The following KLF12 variants were observed in gnomAD, a reference collection of about 807,000 sequenced individuals.
KLF12 encodes the protein Krueppel-like factor 12.
KLF12 carries 9 observed loss-of-function variants against 37.8 expected under a neutral mutation model. The ratio of observed to expected loss-of-function variants is 0.24; its 90% CI spans 0.14 to 0.42. The LOEUF (loss-of-function observed/expected upper bound fraction) is 0.42, where lower values mean the gene tolerates loss of function less well. Among genes scored for constraint, KLF12 ranks in the 10% least tolerant of loss-of-function variants. The pLI, the probability that KLF12 is intolerant of heterozygous loss-of-function variation, is 1.00. For synonymous variants in KLF12, 208 were observed against 202.1 expected (o/e 1.03, Z -0.25); for missense variants, 411 against 516.0 (o/e 0.80, Z 1.97).
chr13:73,746,029 T>C (rs1056096315), intron 6 of KLF12, among the ~76,000 whole-genome samples: 1 of 150,038 alleles, frequency 6.7e-6, no homozygotes, highest in Non-Finnish European at 1.5e-5. Context: ...TTCACAACGG[T>C]GTGGCACCTG....
intron 1 of KLF12, among the ~76,000 whole-genome samples, chr13:74,125,316 C>T (rs1385098116): frequency 6.6e-6 from 1 of 151,932 alleles, no homozygotes; most frequent in Non-Finnish European, 1.5e-5. Context: ...ACAATTTTTC[C>T]CCAGGTGCTT....
chr13:73,838,825 G>C (rs1368261254), intron 4 of KLF12, among the ~76,000 whole-genome samples: 3 of 152,158 alleles, frequency 2.0e-5, no homozygotes, highest in African/African-American at 7.2e-5. Context: ...AGCAAAAGGG[G>C]AGAAATAGCA....
At chr13:74,081,979 A>G (rs1202568540) in intron 1 of KLF12, among the ~76,000 whole-genome samples, 1 of 152,140 alleles carries the variant, frequency 6.6e-6, no homozygotes, top group African/African-American at 2.4e-5. Flanking sequence ...TTACCTAATT[A>G]AAAGTAATTT....
At chr13:74,029,651 C>A (rs1231864072) in intron 1 of KLF12, among the ~76,000 whole-genome samples, 6 of 152,056 alleles carry the variant, frequency 3.9e-5, no homozygotes, top group African/African-American at 1.4e-4. Flanking sequence ...CAGTTTGTTC[C>A]CAGGCATTTC....
chr13:73,743,011 C>A (rs181942209), intron 6 of KLF12, among the ~76,000 whole-genome samples: 58 of 129,788 alleles, frequency 4.5e-4, no homozygotes, highest in African/African-American at 1.3e-3. Flanking sequence ...GGTTTGTGTT[C>A]TCTTCGGGAT....
intron 1 of KLF12, among the ~76,000 whole-genome samples, chr13:74,008,955 G>C (rs7992842): frequency 0.013 from 2,038 of 152,246 alleles, 36 homozygotes; most frequent in East Asian, 0.062. Context: ...ACTCTGAAAG[G>C]AGATTCTTAG....
At chr13:74,238,670 A>T in the KLF12 span, among the ~76,000 whole-genome samples, 2 of 148,646 alleles carry the variant, frequency 1.3e-5, no homozygotes, top group Admixed American at 6.6e-5. Flanking sequence ...TAGTCTTGGG[A>T]GAGTGTATGT....
chr13:74,169,003 A>G, the KLF12 span, among the ~76,000 whole-genome samples: 2 of 152,226 alleles, frequency 1.3e-5, no homozygotes, highest in Non-Finnish European at 1.5e-5. Context: ...GGAGACAGCA[A>G]TGCTTTTAAT....
intron 6 of KLF12, among the ~76,000 whole-genome samples, chr13:73,730,848 T>C (rs1389266641): frequency 1.3e-5 from 2 of 152,132 alleles, no homozygotes; most frequent in African/African-American, 4.8e-5. Flanking sequence ...GCAGACAGGA[T>C]GACCAGGGCC....
chr13:73,941,506 G>C (rs1253882645), intron 3 of KLF12, among the ~76,000 whole-genome samples: 2 of 152,144 alleles, frequency 1.3e-5, no homozygotes, highest in African/African-American at 2.4e-5. Context: ...CAGCCTTTAA[G>C]TCATAAATGA....
chr13:74,031,339 C>A (rs1893106216), intron 1 of KLF12, among the ~76,000 whole-genome samples: 1 of 152,068 alleles, frequency 6.6e-6, no homozygotes, highest in African/African-American at 2.4e-5. Context: ...TTCTGAATTA[C>A]CAGTTCTACC....
the KLF12 span, among the ~76,000 whole-genome samples, chr13:74,264,729 GT>G: frequency 1.3e-5 from 2 of 152,002 alleles, no homozygotes; most frequent in Non-Finnish European, 2.9e-5. Flanking sequence ...ACTAATTTAT[GT>G]TGTCAAACTT....
the KLF12 span, among the ~76,000 whole-genome samples, chr13:74,239,367 G>A: frequency 7.5e-6 from 1 of 133,408 alleles, no homozygotes; most frequent in Non-Finnish European, 1.6e-5. Context: ...CCCAGTATGT[G>A]GTCAATTTTG....
intron 6 of KLF12, among the ~76,000 whole-genome samples, chr13:73,754,038 T>C (rs564811592): frequency 1.2e-4 from 19 of 152,228 alleles, no homozygotes; most frequent in African/African-American, 4.3e-4. Flanking sequence ...CTCACACACA[T>C]ATTCTCTTCA....
chr13:74,026,245 TAAAG>T (rs1892974033), intron 1 of KLF12, among the ~76,000 whole-genome samples: 1 of 149,848 alleles, frequency 6.7e-6, no homozygotes, highest in South Asian at 2.1e-4. Flanking sequence ...TGTAGAAAAA[TAAAG>T]AGGGATGGAA....
At chr13:73,926,628 CTCT>C (rs1254226941) in intron 3 of KLF12, among the ~76,000 whole-genome samples, 12 of 77,448 alleles carry the variant, frequency 1.5e-4, no homozygotes, top group Non-Finnish European at 3.9e-4. Flanking sequence ...TTCTCTCTCT[CTCT>C]TTTTTTTTTT....
chr13:74,287,200 G>T, the KLF12 span, among the ~76,000 whole-genome samples: 1 of 152,148 alleles, frequency 6.6e-6, no homozygotes, highest in South Asian at 2.1e-4. Flanking sequence ...GCTGGCTGCC[G>T]CTTCCACAGC....
chr13:74,075,330 AAAT>A (rs1386574247), intron 1 of KLF12, among the ~76,000 whole-genome samples: 2 of 152,212 alleles, frequency 1.3e-5, no homozygotes, highest in African/African-American at 4.8e-5. Flanking sequence ...TAGGTTAAAA[AAAT>A]AATAATAAGC....
chr13:74,249,924 A>C, the KLF12 span, among the ~76,000 whole-genome samples: 268 of 152,252 alleles, frequency 1.8e-3, 1 homozygote, highest in African/African-American at 6.3e-3. Flanking sequence ...CTTTGATTTC[A>C]AGTTCTCTCT....
Sources: gnomAD v4.1 joint callset for allele counts (sites outside exome capture counted in the v4.1 genomes callset) on GRCh38, gnomAD v4.1.1 for gene constraint, MANE v1.5 for transcripts, NCBI Gene and HGNC (gene_info 2026-07-23, HGNC 2026-07-21) for gene names.